KIAA1328: variants seen among roughly 807,000 people sequenced by gnomAD.
KIAA1328 encodes KIAA1328, also known as protein hinderin.
A neutral mutation model predicts 68.1 loss-of-function variants in KIAA1328; 52 were observed. The observed-to-expected ratio is 0.76, with a 90% confidence interval of 0.61 to 0.96. KIAA1328 has a LOEUF of 0.96. Ranked by LOEUF, KIAA1328 falls within the 40% of genes least tolerant of loss-of-function variation. KIAA1328 has a pLI of 0.00. For missense variants in KIAA1328, 641 were observed against 677.6 expected (o/e 0.95, Z 0.60); for synonymous variants, 232 against 239.4 (o/e 0.97, Z 0.28).
chr18:37,113,202 A>G (rs2057989350), intron 7 of KIAA1328, among the ~76,000 whole-genome samples: 1 of 152,142 alleles, frequency 6.6e-6, no homozygotes, highest in African/African-American at 2.4e-5. Flanking sequence ...AAGACACATA[A>G]TTGTCAGATT....
Position 37,224,575 on chromosome 18 carries a change from C to G in KIAA1328, c.*2348C>G, listed in dbSNP as rs1043927666. The G allele has an allele frequency of 1.2e-5, 12 of 967,926 alleles. No homozygotes were observed. Among genetic ancestry groups the G allele is most frequent in the Non-Finnish European group, 1.5e-5 (12 of 814,032 alleles). The allele number at this position is 967,926 out of a possible 1,614,324, so 60.0% of individuals were successfully genotyped here. On this transcript the variant is annotated 3_prime_UTR_variant, in exon 10 of 10. Coordinates refer to ENST00000280020, the MANE Select transcript of KIAA1328 (RefSeq NM_020776.3). ...TTATTAATTGAATAGTACATGTTAA[C>G]ATTTTAATCTATTTAAATTTACTTT... is the stretch of plus-strand genomic sequence containing the variant.
chr18:37,131,723 A>T (rs2058526594), intron 7 of KIAA1328, among the ~76,000 whole-genome samples: 1 of 152,172 alleles, frequency 6.6e-6, no homozygotes, highest in African/African-American at 2.4e-5. Flanking sequence ...AACAAACATT[A>T]TATGAGGAAA....
At chr18:36,889,167 G>C (rs2048597921) in intron 5 of KIAA1328, among the ~76,000 whole-genome samples, 1 of 152,122 alleles carries the variant, frequency 6.6e-6, no homozygotes, top group Admixed American at 6.5e-5. Context: ...TTTAAGCAAA[G>C]AAAGTTTATT....
At chr18:37,165,169 G>A (rs565731442) in intron 8 of KIAA1328, among the ~76,000 whole-genome samples, 16 of 152,116 alleles carry the variant, frequency 1.1e-4, no homozygotes, top group South Asian at 8.3e-4. Context: ...TCCAAATATC[G>A]TCATATTCTG....
intron 4 of KIAA1328, among the ~76,000 whole-genome samples, chr18:36,864,322 A>G (rs1212779065): frequency 6.7e-6 from 1 of 148,704 alleles, no homozygotes; most frequent in Non-Finnish European, 1.5e-5. Context: ...TTTTTTTTGA[A>G]ATGGAGTCTT....
chr18:36,906,361 C>T (rs567368276), intron 5 of KIAA1328, among the ~76,000 whole-genome samples: 1 of 152,300 alleles, frequency 6.6e-6, no homozygotes, highest in East Asian at 1.9e-4. Context: ...GCCTTCTCCC[C>T]AAGCCTCAGT....
At chr18:37,108,726 C>A (rs1415544437) in intron 7 of KIAA1328, among the ~76,000 whole-genome samples, 6 of 152,124 alleles carry the variant, frequency 3.9e-5, no homozygotes, top group African/African-American at 1.4e-4. Context: ...CATACTAGGA[C>A]ACCTCACTTC....
chr18:36,933,378 C>T lies in KIAA1328; in HGVS notation c.449-25930C>T, dbSNP rs140867509. ...GCCCCCTCCAATCAGTGGTGCTATGCTGTGCTGTGCTCAAGTTTCCTTTGT... is the reference window on the plus strand; with the variant it reads ...GCCCCCTCCAATCAGTGGTGCTATGTTGTGCTGTGCTCAAGTTTCCTTTGT... On this transcript the variant is annotated intron_variant, in intron 5 of 9. Coordinates refer to ENST00000280020, the MANE Select transcript of KIAA1328 (RefSeq NM_020776.3). 4.2e-3 allele frequency among the ~76,000 whole-genome samples: 637 copies of T among 152,292 alleles called. 4 individuals carry two copies. Among genetic ancestry groups the T allele is most frequent in the African/African-American group, 0.014 (593 of 41,568 alleles).
At chr18:37,019,703 A>C (rs901180177) in intron 6 of KIAA1328, among the ~76,000 whole-genome samples, 2 of 152,234 alleles carry the variant, frequency 1.3e-5, no homozygotes, top group Non-Finnish European at 2.9e-5. Flanking sequence ...AGAAGGCCCC[A>C]TGCACCAAGA....
intron 8 of KIAA1328, among the ~76,000 whole-genome samples, chr18:37,168,950 A>AC (rs2059441985): frequency 8.8e-6 from 1 of 114,078 alleles, no homozygotes; most frequent in Non-Finnish European, 2.2e-5. Context: ...AACTCTAAGA[A>AC]AAAAAAATTG....
intron 6 of KIAA1328, among the ~76,000 whole-genome samples, chr18:37,019,427 C>T (rs751050611): frequency 3.9e-5 from 6 of 152,198 alleles, no homozygotes; most frequent in Non-Finnish European, 5.9e-5. Context: ...GTGGTGTGAG[C>T]TCCCTGATCA....
intron 7 of KIAA1328, among the ~76,000 whole-genome samples, chr18:37,124,468 T>C (rs1409363878): frequency 6.6e-6 from 1 of 152,122 alleles, no homozygotes; most frequent in African/African-American, 2.4e-5. Flanking sequence ...TGTGGTTTCC[T>C]GTTGACCAAT....
intron 4 of KIAA1328, among the ~76,000 whole-genome samples, chr18:36,883,803 T>C (rs2048398145): frequency 6.6e-6 from 1 of 152,094 alleles, no homozygotes. Flanking sequence ...TTCAGGTCTT[T>C]ATACTTTTTA....
chr18:36,866,304 C>T (rs147100609), intron 4 of KIAA1328, among the ~76,000 whole-genome samples: 2 of 152,158 alleles, frequency 1.3e-5, no homozygotes, highest in Admixed American at 6.5e-5. Context: ...TAGACCACCC[C>T]GATATGTGGA....
At chr18:37,099,809 G>A (rs1390497487) in intron 7 of KIAA1328, among the ~76,000 whole-genome samples, 1 of 152,188 alleles carries the variant, frequency 6.6e-6, no homozygotes, top group Non-Finnish European at 1.5e-5. Context: ...TTGTTGAATT[G>A]ATCCCTTTAC....
chr18:37,025,525 C>G (rs866447080), intron 6 of KIAA1328, among the ~76,000 whole-genome samples: 1 of 152,212 alleles, frequency 6.6e-6, no homozygotes, highest in African/African-American at 2.4e-5. Context: ...CAAACTGTCT[C>G]TCAGACCACA....
chr18:36,955,245 C>T (rs1281952590), intron 5 of KIAA1328, among the ~76,000 whole-genome samples: 2 of 151,590 alleles, frequency 1.3e-5, no homozygotes, highest in Non-Finnish European at 2.9e-5. Flanking sequence ...GATTCTCCTG[C>T]CTCAGCCTAC....
At chr18:36,943,475 G>A (rs927965910) in intron 5 of KIAA1328, among the ~76,000 whole-genome samples, 38 of 152,262 alleles carry the variant, frequency 2.5e-4, no homozygotes, top group African/African-American at 8.2e-4. Context: ...CTTCATCACT[G>A]ATAATGTTAA....
intron 6 of KIAA1328, among the ~76,000 whole-genome samples, chr18:37,058,050 C>T (rs1599110193): frequency 6.6e-6 from 1 of 152,122 alleles, no homozygotes; most frequent in African/African-American, 2.4e-5. Flanking sequence ...AGGGGTGCAA[C>T]AGACAACACG....
Sources: allele counts gnomAD v4.1 joint callset (sites outside exome capture counted in the v4.1 genomes callset), GRCh38; gene constraint gnomAD v4.1.1; transcripts MANE v1.5; gene names NCBI Gene and HGNC (gene_info 2026-07-23, HGNC 2026-07-21).